The following PNPLA6 variants were observed in gnomAD, a reference collection of about 807,000 sequenced individuals.
The protein encoded by PNPLA6 is patatin-like phospholipase domain-containing protein 6.
Under a neutral mutation model 153.7 loss-of-function variants are expected in PNPLA6, and 105 were observed. The ratio of observed to expected loss-of-function variants is 0.68; its 90% CI spans 0.58 to 0.80. The LOEUF is 0.80. Among genes scored for constraint, PNPLA6 ranks in the 30% least tolerant of loss-of-function variants. The pLI, the probability that PNPLA6 is intolerant of heterozygous loss-of-function variation, is 0.00. For missense variants in PNPLA6, 1,423 were observed against 1,919.3 expected (o/e 0.74, Z 4.83); for synonymous variants, 825 against 822.2 (o/e 1.00, Z -0.06).
chr19:7,540,388 GGTCTTTGGAGATGC>G lies in PNPLA6; in HGVS notation c.714+84_714+97del. On this transcript the variant is annotated intron_variant, in intron 5 of 31. Coordinates refer to ENST00000600737, the MANE Select transcript of PNPLA6 (RefSeq NM_001166114.2). This position sits in a 1 kb window ranked among gnomAD's most constrained non-coding sequence, Gnocchi z 6.8. ...GCAGGCATTGGTCTGTAGAGCTGGT[GGTCTTTGGAGATGC>G]GTCATCGGGAGTCAGGGGAACGGGT... 6.8e-7 allele frequency: 1 copy of G among 1,470,652 alleles called. No individual in the cohort carries two copies. Among genetic ancestry groups the G allele is most frequent in the East Asian group, 2.3e-5 (1 of 43,308 alleles). The allele number at this position is 1,470,652 out of a possible 1,614,324, so 91.1% of individuals were successfully genotyped here.
chr19:7,541,279 A>G lies in PNPLA6; in HGVS notation c.925-75A>G. The G allele has an allele frequency of 7.4e-7, 1 of 1,360,282 alleles. No homozygotes were observed. Among genetic ancestry groups the G allele is most frequent in the East Asian group, 2.4e-5 (1 of 41,672 alleles). 84.3% of individuals were successfully genotyped at this position (1,360,282 alleles called of 1,614,324 possible). On this transcript the variant is annotated intron_variant, in intron 7 of 31. Transcript: ENST00000600737. This position sits in a 1 kb window ranked among gnomAD's most constrained non-coding sequence, Gnocchi z 5.2. ...TTCCCGCCCGACCCCTTATGCTGCG[A>G]ACTAGCCCGGCCCACCATCTGGCCC...
In PNPLA6 at chr19:7,535,733, G is replaced by C; in HGVS notation, c.-56G>C. The C allele has an allele frequency of 6.6e-7, 1 of 1,518,966 alleles. No individual in the cohort carries two copies. The allele number at this position is 1,518,966 out of a possible 1,614,324, so 94.1% of individuals were successfully genotyped here. A position where few individuals can be genotyped will look rare whatever the true frequency, so the allele number is the denominator to read the frequency against. ...TCCCGGCATGCACTGCGGGCCGCCG[G>C]GCCTCAGGGAAGAGTCGCGCCCCCG... On this transcript the variant is annotated 5_prime_UTR_variant, in exon 1 of 32. Transcript: ENST00000600737. The surrounding 1 kb of genome is among the most constrained non-coding windows in gnomAD (Gnocchi z 5.0).
Position 7,549,345 on chromosome 19 carries a change from C to A in PNPLA6, c.1609-562C>A, listed in dbSNP as rs1246187162. ...GGGACTACAGGCGCCCGCCACCACACCCGGCTAATTTTTTGTATTTTCAGT... is the reference window on the plus strand; with the variant it reads ...GGGACTACAGGCGCCCGCCACCACAACCGGCTAATTTTTTGTATTTTCAGT... On this transcript the variant is annotated intron_variant, in intron 13 of 31. Transcript: ENST00000600737. Among the ~76,000 whole-genome samples the A allele has an allele frequency of 2.6e-5, 4 of 151,400 alleles. No homozygotes were observed. The East Asian group carries it at 7.8e-4, about 30-fold the overall frequency.
intron 13 of PNPLA6, among the ~76,000 whole-genome samples, chr19:7,543,678 G>A (rs981693911): frequency 6.6e-6 from 1 of 152,170 alleles, no homozygotes; most frequent in African/African-American, 2.4e-5. Flanking sequence ...AAGAAGAAGA[G>A]GAAAGTTGAA....
At position 7,554,010 on chromosome 19, in the gene PNPLA6, C is replaced by G; in HGVS notation, c.2396C>G (p.Ala799Gly). 1 of 1,613,810 alleles carries G rather than the reference C, an allele frequency of 6.2e-7. No individual in the cohort carries two copies. Among genetic ancestry groups the G allele is most frequent in the South Asian group, 1.1e-5 (1 of 91,070 alleles). ...CTGGAGCTGCAGCACGCCCTGCAGG[C>G]CATCGGTCAGTGGGGTGAGGGTCAT... The part of the protein sequence containing the change: ...FTLELQHALQ[A>G]IGPTLLLNSD... Residue 799 changes from alanine to glycine, a missense_variant, in exon 19 of 32, where the codon GCC becomes GGC. Ala to Gly is a moderately conservative substitution (Grantham distance 60). Around this residue, in one of 10 missense-constraint regions of PNPLA6, gnomAD observed 643 missense variants for 835.2 expected, o/e 0.77. Transcript: ENST00000600737.
intron 27 of PNPLA6, 72 bp downstream of exon 27, chr19:7,557,356 A>T: frequency 2.1e-6 from 2 of 969,598 alleles, no homozygotes; most frequent in East Asian, 4.9e-5. Flanking sequence ...GCGTGGGCAC[A>T]CACAGACAGG....
At chr19:7,554,074 G>A in intron 19 of PNPLA6, 59 bp downstream of exon 19, 1 of 1,603,470 alleles carries the variant, frequency 6.2e-7, no homozygotes, top group Non-Finnish European at 8.5e-7. Flanking sequence ...TAGTGAGTGA[G>A]AGATGTTAGG....
intron 3 of PNPLA6, among the ~76,000 whole-genome samples, chr19:7,536,926 C>CAAAAAAAAA (rs56310906): frequency 7.4e-5 from 4 of 53,968 alleles, no homozygotes; most frequent in Non-Finnish European, 1.0e-4. Flanking sequence ...GACTCTGTCT[C>CAAAAAAAAA]AAAAAAAAAA....
In PNPLA6 at chr19:7,550,069, C is replaced by T; in HGVS notation, c.1771C>T (p.Arg591Cys). The change falls in exon 14 of 32, where the codon CGC (arginine) becomes TGC (cysteine). Residue 591 changes from arginine (R) to cysteine (C), a missense_variant. By Grantham distance (180) the Arg-to-Cys change is radical (BLOSUM62 -3). Around this residue, in one of 10 missense-constraint regions of PNPLA6, gnomAD observed 119 missense variants for 163.7 expected, o/e 0.73. Coordinates refer to ENST00000600737, the MANE Select transcript of PNPLA6 (RefSeq NM_001166114.2). ...TCTCATCTTCACACTGCGAGCCCAA[C>T]GCGACTGCACCTTCCTGCGGATCTC... ...EPLIFTLRAQ[R>C]DCTFLRISKS... is the part of the protein sequence containing the mutation. The T allele has an allele frequency of 6.2e-7, 1 of 1,614,112 alleles. No homozygotes were observed. The highest frequency in any genetic ancestry group is 1.1e-5 in the South Asian group (1 of 91,090).
chr19:7,536,261 G>A lies in PNPLA6; in HGVS notation c.303G>A (p.Lys101=). 6.2e-7 allele frequency: 1 copy of A among 1,613,662 alleles called. No homozygotes were observed. Among genetic ancestry groups the A allele is most frequent in the Middle Eastern group, 1.6e-4 (1 of 6,062 alleles). ...ACAAAGTGCTCTTCTATGGCCGGAA[G>A]ATTATGCGGAAGGTGAGTCCGGGAC... The part of the protein sequence containing the change: ...KRDKVLFYGR[K]IMRKVSQSTS... Residue 101 remains lysine, a synonymous_variant, in exon 2 of 32, where the codon AAG becomes AAA. Coordinates refer to ENST00000600737, the MANE Select transcript of PNPLA6 (RefSeq NM_001166114.2).
chr19:7,553,815 G>C, intron 18 of PNPLA6, 60 bp from the exon 19 acceptor site: 1 of 1,603,584 alleles, frequency 6.2e-7, no homozygotes, highest in Non-Finnish European at 8.5e-7. Context: ...AGGAGGAGGA[G>C]GGTTCATCTC....
Position 7,555,728 on chromosome 19 carries a change from A to T in PNPLA6, c.3058A>T (p.Ser1020Cys), listed in dbSNP as rs1292411402. The T allele has an allele frequency of 1.2e-6, 2 of 1,613,760 alleles. No homozygotes were observed. Among genetic ancestry groups the T allele is most frequent in the African/African-American group, 2.7e-5 (2 of 74,898 alleles). Residue 1020 changes from serine to cysteine, a missense_variant, in exon 24 of 32, where the codon AGC becomes TGC. Around this residue, in one of 10 missense-constraint regions of PNPLA6, gnomAD observed 643 missense variants for 835.2 expected, o/e 0.77. Coordinates refer to ENST00000600737, the MANE Select transcript of PNPLA6 (RefSeq NM_001166114.2). This position sits in a 1 kb window ranked among gnomAD's most constrained non-coding sequence, Gnocchi z 6.3. ...GALYAEERSA[S>C]RTKQRAREWA... Reference sequence around the variant, plus strand: ...GTTGTACGCGGAGGAGCGCAGCGCCAGCCGCACGAAGCAGCGGGCCCGGGA... The same window carrying T: ...GTTGTACGCGGAGGAGCGCAGCGCCTGCCGCACGAAGCAGCGGGCCCGGGA...
rs1445697227 is a variant in PNPLA6 at position 7,554,888 on chromosome 19, C to T, written c.2635-5C>T. 1.3e-6 allele frequency: 2 copies of T among 1,582,268 alleles called. No homozygotes were observed. The highest frequency in any genetic ancestry group is 1.7e-6 in the Non-Finnish European group (2 of 1,169,136). On this transcript the variant is annotated splice_polypyrimidine_tract_variant and splice_region_variant and intron_variant, in intron 21 of 31. Coordinates refer to ENST00000600737, the MANE Select transcript of PNPLA6 (RefSeq NM_001166114.2). ...CTGGTGACCTCAGCCGTCCGTATTCCGCAGCTGGAGCAGATGCTGGAGAAC... is the reference window on the plus strand; with the variant it reads ...CTGGTGACCTCAGCCGTCCGTATTCTGCAGCTGGAGCAGATGCTGGAGAAC...
rs1420322286 is a variant in PNPLA6, at chr19:7,555,366, A to G, written c.2935A>G (p.Arg979Gly). ...CCTTGTGCTAGGCGGGGGCGGGGCCAGGTGAGGGCGGGGCTTGCTCTCTGG... is the reference window on the plus strand; with the variant it reads ...CCTTGTGCTAGGCGGGGGCGGGGCCGGGTGAGGGCGGGGCTTGCTCTCTGG... ...IALVLGGGGA[R>G]GCSHIGVLKA... The change falls in exon 23 of 32, where the codon AGG becomes GGG. Residue 979 changes from arginine to glycine, a missense_variant and splice_region_variant. Transcript: ENST00000600737. This position sits in a 1 kb window ranked among gnomAD's most constrained non-coding sequence, Gnocchi z 6.3. 1.8e-6 allele frequency: 2 copies of G among 1,122,340 alleles called. No homozygotes were observed. The highest frequency in any genetic ancestry group is 1.4e-5 in the South Asian group (1 of 73,040). The allele number at this position is 1,122,340 out of a possible 1,614,324, so 69.5% of individuals were successfully genotyped here.
upstream of PNPLA6, chr19:7,534,200 G>C (rs1275969010): frequency 5.8e-6 from 2 of 346,508 alleles, no homozygotes; most frequent in South Asian, 5.0e-5. Flanking sequence ...CGGAACGCTA[G>C]CGGTGTTGGC....
chr19:7,535,720 C>G lies in PNPLA6; in HGVS notation c.-69C>G. ...GCGGAACTACGTTTCCCGGCATGCA[C>G]TGCGGGCCGCCGGGCCTCAGGGAAG... On this transcript the variant is annotated 5_prime_UTR_variant, in exon 1 of 32. Transcript: ENST00000600737. The surrounding 1 kb of genome is among the most constrained non-coding windows in gnomAD (Gnocchi z 5.0). 2 of 1,520,062 alleles carry G rather than the reference C, an allele frequency of 1.3e-6. No individual in the cohort carries two copies. The highest frequency in any genetic ancestry group is 2.4e-5 in the South Asian group (2 of 83,004). 94.2% of individuals were successfully genotyped at this position (1,520,062 alleles called of 1,614,324 possible). A position where few individuals can be genotyped will look rare whatever the true frequency, so the allele number is the denominator to read the frequency against.
intron 16 of PNPLA6, 70 bp from the exon 17 acceptor site, chr19:7,550,924 C>T (rs948950328): frequency 1.3e-5 from 15 of 1,197,758 alleles, no homozygotes; most frequent in Non-Finnish European, 1.8e-5. Context: ...CAGTACAGCC[C>T]CCTTTCCACC....
rs112392454 is a variant in PNPLA6 at position 7,557,311 on chromosome 19, C to T, written c.3397+27C>T. ...CAAGTGGCCGCCCGCACCACCCGCA[C>T]ACGCAAGCACCTCCCGCACCACACA... On this transcript the variant is annotated intron_variant, in intron 27 of 31. Coordinates refer to ENST00000600737, the MANE Select transcript of PNPLA6 (RefSeq NM_001166114.2). 5.8e-5 allele frequency: 79 copies of T among 1,365,956 alleles called. No individual in the cohort carries two copies. The African/African-American group carries it at 7.7e-4, about 13-fold the overall frequency. 84.6% of individuals were successfully genotyped at this position (1,365,956 alleles called of 1,614,324 possible).
At position 7,535,975 on chromosome 19, in the gene PNPLA6, A is replaced by G; in HGVS notation, c.187A>G (p.Thr63Ala). Residue 63 changes from threonine (T) to alanine (A), a missense_variant, in exon 1 of 32, where the codon ACG becomes GCG. Thr to Ala is a moderately conservative substitution (Grantham distance 58). Around this residue, in one of 10 missense-constraint regions of PNPLA6, gnomAD observed 109 missense variants for 109.4 expected, o/e 1.00. Transcript: ENST00000600737. The surrounding 1 kb of genome is among the most constrained non-coding windows in gnomAD (Gnocchi z 5.0). Reference sequence around the variant, plus strand: ...CGGGGCCGGAGTGGCGGTGGTGGTCACGGCCGTGCTCATCCTCCTGGTGGT... The same window carrying G: ...CGGGGCCGGAGTGGCGGTGGTGGTCGCGGCCGTGCTCATCCTCCTGGTGGT... ...MIGAGVAVVV[T>A]AVLILLVVRR... 2 of 1,581,046 alleles carry G rather than the reference A, an allele frequency of 1.3e-6. No individual in the cohort carries two copies. Among genetic ancestry groups the G allele is most frequent in the Non-Finnish European group, 8.6e-7 (1 of 1,165,906 alleles).
Sources: allele counts gnomAD v4.1 joint callset (sites outside exome capture counted in the v4.1 genomes callset), GRCh38; gene constraint gnomAD v4.1.1; regional missense constraint gnomAD v4.1.1; non-coding constraint Gnocchi (gnomAD v3.1); transcripts MANE v1.5; gene names NCBI Gene and HGNC (gene_info 2026-07-23, HGNC 2026-07-21).